The following JAK2 variants were observed in gnomAD, a reference collection of about 807,000 sequenced individuals.
JAK2 encodes the protein tyrosine-protein kinase JAK2.
Under a neutral mutation model 139.3 loss-of-function variants are expected in JAK2, and 86 were observed. The ratio of observed to expected loss-of-function variants is 0.62; its 90% CI spans 0.52 to 0.74. The LOEUF is 0.74. Among genes scored for constraint, JAK2 ranks in the 30% least tolerant of loss-of-function variants. The probability of loss-of-function intolerance (pLI) is 0.00; values close to 1 mark genes in which losing one functional copy is unlikely to be tolerated. For synonymous variants in JAK2, 490 were observed against 437.7 expected, an observed-to-expected ratio of 1.12 and a Z score of -1.49; for missense variants, 1,421 against 1,360.3, an observed-to-expected ratio of 1.04 and a Z score of -0.70.
At chr9:5,070,216 T>C (rs1458112769) in intron 12 of JAK2, among the ~76,000 whole-genome samples, 164 bp downstream of exon 12, 1 of 142,212 alleles carries the variant, frequency 7.0e-6, no homozygotes, top group Non-Finnish European at 1.6e-5. Context: ...TGTTAGATGT[T>C]AGCAAAATTA....
chr9:5,110,702 C>T (rs1167525732), intron 22 of JAK2: 4 of 337,988 alleles, frequency 1.2e-5, no homozygotes, highest in Non-Finnish European at 1.7e-5. Flanking sequence ...ATTACTCTTA[C>T]TGCCACCTCC....
At chr9:4,984,843 C>G (rs1178361052), upstream of JAK2, 3 of 152,292 alleles carry the variant, frequency 2.0e-5, no homozygotes, top group Non-Finnish European at 4.4e-5. Context: ...CCGGGCCCAG[C>G]GCTGGCGCCT....
At chr9:4,984,868 A>T (rs1014285090), upstream of JAK2, 2 of 152,196 alleles carry the variant, frequency 1.3e-5, no homozygotes, top group African/African-American at 4.8e-5. Flanking sequence ...CCAGCCGGGC[A>T]CCAGCGTTTC....
intron 5 of JAK2, among the ~76,000 whole-genome samples, chr9:5,046,721 C>T (rs911907837): frequency 5.3e-5 from 8 of 152,134 alleles, no homozygotes; most frequent in Non-Finnish European, 1.0e-4. Context: ...CTTTTTTATA[C>T]AGCTCCTTTA....
chr9:5,106,254 T>C (rs1478619962), intron 22 of JAK2, among the ~76,000 whole-genome samples: 1 of 152,174 alleles, frequency 6.6e-6, no homozygotes, highest in Non-Finnish European at 1.5e-5. Flanking sequence ...AACAGACACT[T>C]CTCAAAAGAA....
In JAK2 at chr9:5,072,550, T is replaced by C. The variant is rs587778408; in HGVS notation, c.1700T>C (p.Val567Ala). The C allele has an allele frequency of 1.2e-5, 19 of 1,610,340 alleles. No homozygotes were observed. In the Admixed American group the frequency reaches 2.3e-4, roughly 20 times the overall value. ...ATTTTTAAAGGCGTACGAAGAGAAG[T>C]AGGAGACTACGGTCAACTGCATGAA... ...TKIFKGVRRE[V>A]GDYGQLHETE... The change falls in exon 13 of 25, where the codon GTA becomes GCA. Residue 567 changes from valine (V) to alanine (A), a missense_variant. Coordinates refer to ENST00000381652, the MANE Select transcript of JAK2 (RefSeq NM_004972.4).
intron 2 of JAK2, among the ~76,000 whole-genome samples, chr9:4,987,957 C>G (rs968223487): frequency 6.6e-6 from 1 of 152,078 alleles, no homozygotes; most frequent in Non-Finnish European, 1.5e-5. Flanking sequence ...ACTCGTGTTT[C>G]CTCCTTTCTA....
At chr9:5,039,457 A>G (rs780250733) in intron 4 of JAK2, among the ~76,000 whole-genome samples, 4 of 152,168 alleles carry the variant, frequency 2.6e-5, no homozygotes, top group Admixed American at 2.6e-4. Context: ...TGCAAATACT[A>G]TGCCTTTGTA....
chr9:5,042,533 C>T (rs1348197306), intron 4 of JAK2, among the ~76,000 whole-genome samples: 1 of 152,210 alleles, frequency 6.6e-6, no homozygotes, highest in East Asian at 1.9e-4. Context: ...GAAAGGCCCC[C>T]TCCACCCCCA....
chr9:5,043,710 GATGA>G (rs1816787229), intron 4 of JAK2, among the ~76,000 whole-genome samples: 1 of 152,180 alleles, frequency 6.6e-6, no homozygotes, highest in South Asian at 2.1e-4. Flanking sequence ...TCTGTCAGGC[GATGA>G]ATGGATACAG....
rs1310426270 is a variant in JAK2 at position 5,129,225 on chromosome 9, G to A, written c.*2434G>A. 1.3e-5 allele frequency among the ~76,000 whole-genome samples: 2 copies of A among 152,062 alleles called. No individual in the cohort carries two copies. The highest frequency in any genetic ancestry group is 1.9e-4 in the East Asian group (1 of 5,186). On this transcript the variant is annotated 3_prime_UTR_variant, in exon 25 of 25. Transcript: ENST00000381652. Reference sequence around the variant, plus strand: ...TGTGGCATTATGTGCTCACTTTATTGAGCCTATGTTAATTTCTTTAGCATG... The same window carrying A: ...TGTGGCATTATGTGCTCACTTTATTAAGCCTATGTTAATTTCTTTAGCATG...
At chr9:5,107,370 C>T (rs1586808646) in intron 22 of JAK2, among the ~76,000 whole-genome samples, 1 of 152,098 alleles carries the variant, frequency 6.6e-6, no homozygotes, top group African/African-American at 2.4e-5. Context: ...CCAACTGCCT[C>T]CCCTTTTCCA....
intron 2 of JAK2, among the ~76,000 whole-genome samples, chr9:5,011,581 CAT>C (rs1821703092): frequency 6.6e-6 from 1 of 152,154 alleles, no homozygotes; most frequent in Non-Finnish European, 1.5e-5. Context: ...ACATATGTAT[CAT>C]AGTAAACAAA....
At chr9:5,107,150 G>C (rs1011153612) in intron 22 of JAK2, among the ~76,000 whole-genome samples, 2 of 151,978 alleles carry the variant, frequency 1.3e-5, no homozygotes, top group Non-Finnish European at 2.9e-5. Flanking sequence ...TACTGATGAG[G>C]ATCCTACTCT....
intron 23 of JAK2, among the ~76,000 whole-genome samples, chr9:5,123,959 G>A (rs1823805988): frequency 6.6e-6 from 1 of 151,068 alleles, no homozygotes; most frequent in African/African-American, 2.4e-5. Flanking sequence ...TTTCTCTGGT[G>A]ATTAGTGATT....
At chr9:4,995,777 T>C (rs528665693) in intron 2 of JAK2, among the ~76,000 whole-genome samples, 1 of 152,368 alleles carries the variant, frequency 6.6e-6, no homozygotes, top group Admixed American at 6.5e-5. Flanking sequence ...TTCATTTTAG[T>C]TATTCTATTT....
chr9:5,041,305 G>T (rs769768174), intron 4 of JAK2: 4 of 834,892 alleles, frequency 4.8e-6, no homozygotes, highest in Non-Finnish European at 7.8e-6. Flanking sequence ...GGACCAAGAA[G>T]CACATCCCGT....
chr9:5,024,264 AT>A (rs967574313), intron 3 of JAK2, among the ~76,000 whole-genome samples: 2 of 151,302 alleles, frequency 1.3e-5, no homozygotes, highest in South Asian at 2.1e-4. Context: ...TCAAAAAAAA[AT>A]TTTTTTTTGG....
intron 13 of JAK2, 132 bp from the exon 14 acceptor site, chr9:5,073,566 C>A: frequency 1.4e-6 from 1 of 699,564 alleles, no homozygotes; most frequent in African/African-American, 1.8e-5. Flanking sequence ...GGGACCAAAG[C>A]ACATTGTATC....
Sources: allele counts gnomAD v4.1 joint callset (sites outside exome capture counted in the v4.1 genomes callset), GRCh38; gene constraint gnomAD v4.1.1; transcripts MANE v1.5; gene names NCBI Gene and HGNC (gene_info 2026-07-23, HGNC 2026-07-21).